ANKRD44: variants seen among roughly 807,000 people sequenced by gnomAD.
ANKRD44 encodes serine/threonine-protein phosphatase 6 regulatory ankyrin repeat subunit B.
A neutral mutation model predicts 116.0 loss-of-function variants in ANKRD44; 35 were observed. The ratio of observed to expected loss-of-function variants is 0.30; its 90% confidence interval spans 0.23 to 0.40. The LOEUF (loss-of-function observed/expected upper bound fraction) is 0.40, where lower values mean the gene tolerates loss of function less well. ANKRD44 is among the 10% of genes least tolerant of loss of function. The pLI is 1.00. For synonymous variants in ANKRD44, 435 were observed against 461.8 expected, an observed-to-expected ratio of 0.94 and a Z score of 0.74; for missense variants, 1,014 against 1,242.6, an observed-to-expected ratio of 0.82 and a Z score of 2.77.
chr2:197,009,610 C>A lies in ANKRD44; in HGVS notation c.1925-579G>T, dbSNP rs142229982. On this transcript the variant is annotated intron_variant, in intron 18 of 27. Transcript: ENST00000282272. Reference sequence around the variant, plus strand: ...TCTTGAACTTCTGGGCTCAAGCAATCTGACTGCCTTGGCCTCCCAAAGTGC... The same window carrying A: ...TCTTGAACTTCTGGGCTCAAGCAATATGACTGCCTTGGCCTCCCAAAGTGC... Among the ~76,000 whole-genome samples, 538 of 152,246 alleles carry A rather than the reference C, an allele frequency of 3.5e-3. 2 individuals are homozygous for A. Among genetic ancestry groups the A allele is most frequent in the Middle Eastern group, 0.014 (4 of 294 alleles).
At chr2:197,059,429 C>T (rs1462891617) in intron 16 of ANKRD44, among the ~76,000 whole-genome samples, 1 of 152,058 alleles carries the variant, frequency 6.6e-6, no homozygotes, top group African/African-American at 2.4e-5. Context: ...GTGATTCTAG[C>T]CCAGTCAATA....
Position 197,310,623 on chromosome 2 carries a change from G to GCA in ANKRD44, c.-21_-20dup. 1 of 1,328,316 alleles carries GCA rather than the reference G, an allele frequency of 7.5e-7. No homozygotes were observed. 82.3% of individuals were successfully genotyped at this position (1,328,316 alleles called of 1,614,324 possible). ...CTGCCATTCTTCCGCTCCTTCGCGC[G>GCA]CACACACATGCAGGTCCCCGGCCCG... is the stretch of plus-strand genomic sequence containing the variant. On this transcript the variant is annotated 5_prime_UTR_variant, in exon 1 of 28. Transcript: ENST00000282272.
chr2:197,018,423 T>C (rs542737838), intron 17 of ANKRD44, among the ~76,000 whole-genome samples: 1 of 152,184 alleles, frequency 6.6e-6, no homozygotes, highest in African/African-American at 2.4e-5. Flanking sequence ...GCATCTGTAC[T>C]TTCTGCTCCC....
chr2:197,006,243 C>T (rs1398225465), intron 20 of ANKRD44, among the ~76,000 whole-genome samples: 4 of 151,986 alleles, frequency 2.6e-5, no homozygotes, highest in African/African-American at 9.7e-5. Context: ...GAGATCGAGA[C>T]CATCCTGGCT....
chr2:197,154,443 T>G (rs944477450), intron 2 of ANKRD44, among the ~76,000 whole-genome samples: 1 of 152,096 alleles, frequency 6.6e-6, no homozygotes, highest in Non-Finnish European at 1.5e-5. Flanking sequence ...CCTCCCAAAG[T>G]GCTGGGATTA....
At chr2:197,038,699 T>C (rs927822805) in intron 16 of ANKRD44, among the ~76,000 whole-genome samples, 3 of 152,222 alleles carry the variant, frequency 2.0e-5, no homozygotes, top group Non-Finnish European at 2.9e-5. Context: ...TGCCAGATCA[T>C]GTGTTTTTGA....
intron 1 of ANKRD44, among the ~76,000 whole-genome samples, chr2:197,196,796 T>A (rs1364426394): frequency 6.6e-6 from 1 of 152,188 alleles, no homozygotes; most frequent in African/African-American, 2.4e-5. Flanking sequence ...CCAAAGCCCA[T>A]GACAATTTTC....
At chr2:197,239,100 C>G (rs955897079) in intron 1 of ANKRD44, among the ~76,000 whole-genome samples, 2 of 152,160 alleles carry the variant, frequency 1.3e-5, no homozygotes, top group Non-Finnish European at 2.9e-5. Context: ...CTGCTCAAGT[C>G]CAGCAATCTC....
chr2:197,165,441 G>T (rs1228157169), intron 2 of ANKRD44, among the ~76,000 whole-genome samples: 1 of 152,226 alleles, frequency 6.6e-6, no homozygotes, highest in Non-Finnish European at 1.5e-5. Flanking sequence ...TTTCTGGGGT[G>T]ACAGAAAGGT....
At chr2:197,187,153 G>GTATGTGATCAGATGT in intron 1 of ANKRD44, 47 bp from the exon 2 acceptor site, 4 of 1,543,690 alleles carry the variant, frequency 2.6e-6, no homozygotes, top group South Asian at 1.1e-5. Context: ...TAATACATCT[G>GTATGTGATCAGATGT]ATCACATACA....
At chr2:197,131,892 AC>A (rs2079105875) in intron 4 of ANKRD44, among the ~76,000 whole-genome samples, 1 of 152,180 alleles carries the variant, frequency 6.6e-6, no homozygotes, top group Admixed American at 6.5e-5. Flanking sequence ...CCTTTCCCCT[AC>A]AGTTGCTCTT....
At chr2:197,258,343 G>A (rs1022083557) in intron 1 of ANKRD44, among the ~76,000 whole-genome samples, 5 of 133,772 alleles carry the variant, frequency 3.7e-5, no homozygotes, top group East Asian at 2.1e-4. Context: ...GGCTGGTCTC[G>A]AACTCCTGAC....
At chr2:197,098,393 C>CCAG (rs1253854773) in intron 10 of ANKRD44, among the ~76,000 whole-genome samples, 1 of 152,180 alleles carries the variant, frequency 6.6e-6, no homozygotes. Flanking sequence ...TGCGTCTTCC[C>CCAG]CAGGCCATTT....
At chr2:197,173,818 A>C (rs1217334559) in intron 2 of ANKRD44, among the ~76,000 whole-genome samples, 1 of 152,184 alleles carries the variant, frequency 6.6e-6, no homozygotes, top group Non-Finnish European at 1.5e-5. Flanking sequence ...GGATCACCTG[A>C]GGTCAGGAGT....
chr2:197,274,394 A>T lies in ANKRD44; in HGVS notation c.27+36184T>A, dbSNP rs557707191. 7.2e-5 allele frequency among the ~76,000 whole-genome samples: 11 copies of T among 152,306 alleles called. No homozygotes were observed. In the East Asian group the frequency reaches 2.1e-3, roughly 29 times the overall value. On this transcript the variant is annotated intron_variant, in intron 1 of 27. Coordinates refer to ENST00000282272, the MANE Select transcript of ANKRD44 (RefSeq NM_001195144.2). ...AAAGGCTTGCCGCCCAGCTGTGCAG[A>T]GTGTGGTCAGCACATGGCCTCCAGC...
intron 1 of ANKRD44, among the ~76,000 whole-genome samples, chr2:197,291,901 C>T (rs530304750): frequency 6.6e-6 from 1 of 152,190 alleles, no homozygotes; most frequent in Non-Finnish European, 1.5e-5. Context: ...TCAATTCCCA[C>T]CTATGAGTGA....
intron 9 of ANKRD44, among the ~76,000 whole-genome samples, chr2:197,108,871 C>CAAAAAAAAAAA (rs1553509928): frequency 2.0e-5 from 3 of 150,562 alleles, no homozygotes; most frequent in African/African-American, 7.4e-5. Flanking sequence ...ACAACAACAA[C>CAAAAAAAAAAA]AAAAACACAA....
intron 11 of ANKRD44, chr2:197,088,989 A>G (rs2077985258): frequency 2.3e-6 from 1 of 429,702 alleles, no homozygotes. Flanking sequence ...AGAAGGATTT[A>G]TTTTCACATT....
At chr2:197,148,264 A>G (rs1432036747) in intron 2 of ANKRD44, among the ~76,000 whole-genome samples, 3 of 152,208 alleles carry the variant, frequency 2.0e-5, no homozygotes, top group Non-Finnish European at 4.4e-5. Flanking sequence ...CCTGGAGTAA[A>G]GAACCGGCCT....
Sources: allele counts gnomAD v4.1 joint callset (sites outside exome capture counted in the v4.1 genomes callset), GRCh38; gene constraint gnomAD v4.1.1; transcripts MANE v1.5; gene names NCBI Gene and HGNC (gene_info 2026-07-23, HGNC 2026-07-21).